ASIC2: variants seen among roughly 807,000 people sequenced by gnomAD.
The protein encoded by ASIC2 is acid-sensing ion channel 2.
Under a neutral mutation model 57.3 loss-of-function variants are expected in ASIC2, and 25 were observed. The ratio of observed to expected loss-of-function variants is 0.44; its 90% CI spans 0.32 to 0.61. The LOEUF (loss-of-function observed/expected upper bound fraction) is 0.61. Ranked by LOEUF, ASIC2 falls within the 20% of genes least tolerant of loss-of-function variation. The pLI, the probability that ASIC2 is intolerant of heterozygous loss-of-function variation, is 0.06. For missense variants in ASIC2, 641 were observed against 738.1 expected, an observed-to-expected ratio of 0.87 and a Z score of 1.52; for synonymous variants, 319 against 307.5, an observed-to-expected ratio of 1.04 and a Z score of -0.39.
At chr17:34,123,098 A>G (rs992566379) in intron 1 of ASIC2, among the ~76,000 whole-genome samples, 1 of 152,156 alleles carries the variant, frequency 6.6e-6, no homozygotes, top group East Asian at 1.9e-4. Context: ...TTGTCGGAAG[A>G]CAAGTCTTGC....
At chr17:34,085,367 C>T (rs1357521190) in intron 1 of ASIC2, among the ~76,000 whole-genome samples, 1 of 152,212 alleles carries the variant, frequency 6.6e-6, no homozygotes, top group Admixed American at 6.5e-5. Flanking sequence ...TTGAACCAGA[C>T]TTGCATCCCA....
chr17:33,978,721 C>T (rs892141929), intron 1 of ASIC2, among the ~76,000 whole-genome samples: 10 of 152,154 alleles, frequency 6.6e-5, no homozygotes, highest in African/African-American at 2.4e-4. Flanking sequence ...TGTGCTAGGC[C>T]TACTGTCTGC....
chr17:33,680,102 A>C (rs1041504396), intron 1 of ASIC2, among the ~76,000 whole-genome samples: 8 of 152,038 alleles, frequency 5.3e-5, no homozygotes, highest in Non-Finnish European at 1.0e-4. Context: ...TACCCCCTTG[A>C]CTTCACCTGA....
At chr17:33,333,270 C>A (rs1907388023) in intron 1 of ASIC2, among the ~76,000 whole-genome samples, 1 of 152,184 alleles carries the variant, frequency 6.6e-6, no homozygotes, top group Non-Finnish European at 1.5e-5. Context: ...AGGAAATAAT[C>A]TGAAATATGG....
intron 1 of ASIC2, among the ~76,000 whole-genome samples, chr17:33,872,243 C>T (rs1914434708): frequency 6.6e-6 from 1 of 152,110 alleles, no homozygotes; most frequent in Non-Finnish European, 1.5e-5. Context: ...GTGGGGATGA[C>T]AGACCTTACG....
At chr17:33,450,103 T>A (rs2141989547) in intron 1 of ASIC2, among the ~76,000 whole-genome samples, 1 of 152,274 alleles carries the variant, frequency 6.6e-6, no homozygotes, top group Admixed American at 6.5e-5. Context: ...CATTACTGAA[T>A]AAGCTCAAAC....
rs535244567 is a variant in ASIC2, at chr17:33,140,163, T to G, written c.709-28096A>C. ...CTGGGCTTTAAATAAGCTTCTCAGG[T>G]GAGTCCCGAAGTCTAAGGCTCTCTG... On this transcript the variant is annotated intron_variant, in intron 1 of 9. Coordinates refer to ENST00000225823, the MANE Select transcript of ASIC2 (RefSeq NM_183377.2). Among the ~76,000 whole-genome samples the G allele has an allele frequency of 8.6e-4, 131 of 152,308 alleles. 1 individual carries two copies. Among genetic ancestry groups the G allele is most frequent in the African/African-American group, 2.8e-3 (118 of 41,564 alleles).
At chr17:33,504,707 T>C (rs1287492307) in intron 1 of ASIC2, among the ~76,000 whole-genome samples, 4 of 152,212 alleles carry the variant, frequency 2.6e-5, no homozygotes, top group Admixed American at 2.6e-4. Context: ...GTTCAGCTTC[T>C]GGCCAGCTAC....
intron 1 of ASIC2, among the ~76,000 whole-genome samples, chr17:33,620,427 AT>A (rs1254898886): frequency 6.6e-6 from 1 of 152,146 alleles, no homozygotes; most frequent in African/African-American, 2.4e-5. Context: ...ACTCCTCTGT[AT>A]AATGTAAAAA....
intron 1 of ASIC2, among the ~76,000 whole-genome samples, chr17:33,259,357 C>G (rs1024044789): frequency 1.2e-4 from 19 of 152,144 alleles, no homozygotes; most frequent in Non-Finnish European, 7.3e-5. Flanking sequence ...GGTCATAAAA[C>G]CCTGTAATTT....
chr17:34,065,076 T>C (rs186022487), intron 1 of ASIC2, among the ~76,000 whole-genome samples: 53 of 152,300 alleles, frequency 3.5e-4, no homozygotes, highest in Non-Finnish European at 6.8e-4. Flanking sequence ...TACTTGCATA[T>C]GCATGTTTAT....
At chr17:33,118,814 CA>C (rs1567751585) in intron 1 of ASIC2, among the ~76,000 whole-genome samples, 1 of 152,022 alleles carries the variant, frequency 6.6e-6, no homozygotes, top group Non-Finnish European at 1.5e-5. Context: ...TTGCACATGC[CA>C]GGGCTTGGAA....
chr17:33,771,752 C>T (rs751436057), intron 1 of ASIC2, among the ~76,000 whole-genome samples: 27 of 152,126 alleles, frequency 1.8e-4, no homozygotes, highest in Admixed American at 1.3e-3. Flanking sequence ...AATGATTGTA[C>T]ATATTTCTGG....
At chr17:33,581,707 G>A (rs1424413807) in intron 1 of ASIC2, among the ~76,000 whole-genome samples, 2 of 152,160 alleles carry the variant, frequency 1.3e-5, no homozygotes, top group Non-Finnish European at 2.9e-5. Context: ...GAAGAATTTG[G>A]CCTGTGGCTA....
At chr17:33,503,310 T>C (rs1279286677) in intron 1 of ASIC2, among the ~76,000 whole-genome samples, 1 of 152,194 alleles carries the variant, frequency 6.6e-6, no homozygotes, top group Non-Finnish European at 1.5e-5. Context: ...ATACCTGTCC[T>C]GGGGCTATTG....
rs528258113 is a variant in ASIC2, at chr17:33,522,763, G to A, written c.556-410696C>T. On this transcript the variant is annotated intron_variant, in intron 1 of 9. Transcript: ENST00000359872. ...AAATCCAAGTGTTAGTTTTATTTGC[G>A]GTGCCATGAATTCCCACAAGAACAG... 3.9e-5 allele frequency among the ~76,000 whole-genome samples: 6 copies of A among 152,216 alleles called. No homozygotes were observed. In the South Asian group the frequency reaches 8.3e-4, roughly 21 times the overall value.
chr17:34,063,549 C>A (rs1909047234), intron 1 of ASIC2, among the ~76,000 whole-genome samples: 2 of 152,116 alleles, frequency 1.3e-5, no homozygotes, highest in South Asian at 4.1e-4. Flanking sequence ...AAATAAAGGG[C>A]ATCCAAATCA....
intron 3 of ASIC2, among the ~76,000 whole-genome samples, chr17:33,070,458 C>T (rs535888398): frequency 2.0e-5 from 3 of 152,036 alleles, no homozygotes; most frequent in Admixed American, 6.5e-5. Flanking sequence ...CTGCCTTAGC[C>T]TCCCGAGTAG....
chr17:33,345,506 C>T (rs1292520666), intron 1 of ASIC2, among the ~76,000 whole-genome samples: 4 of 152,138 alleles, frequency 2.6e-5, no homozygotes, highest in Non-Finnish European at 5.9e-5. Context: ...AGATTTAAAA[C>T]AGGGTGATGT....
Sources: gnomAD v4.1 joint callset for allele counts (sites outside exome capture counted in the v4.1 genomes callset) on GRCh38, gnomAD v4.1.1 for gene constraint, MANE v1.5 for transcripts, NCBI Gene and HGNC (gene_info 2026-07-23, HGNC 2026-07-21) for gene names.